MCAM: variants seen among roughly 807,000 people sequenced by gnomAD.
The protein encoded by MCAM is cell surface glycoprotein MUC18.
In MCAM, 55 loss-of-function variants were observed where a neutral mutation model predicts 79.1. That is an observed-to-expected ratio of 0.70 (90% confidence interval 0.56 to 0.87). MCAM has a LOEUF of 0.87. Ranked by LOEUF, MCAM falls within the 40% of genes least tolerant of loss-of-function variation. MCAM has a pLI of 0.00. For synonymous variants in MCAM, 330 were observed against 339.8 expected (o/e 0.97, Z 0.32); for missense variants, 745 against 839.8 (o/e 0.89, Z 1.40).
At chr11:119,314,422 CCGA>C in intron 5 of MCAM, 64 bp downstream of exon 5, 2 of 1,428,378 alleles carry the variant, frequency 1.4e-6, no homozygotes, top group Non-Finnish European at 2.0e-6. Flanking sequence ...TCCCAAAGCA[CCGA>C]GATTACAGGT....
At chr11:119,313,150 C>T (rs555425355) in intron 5 of MCAM, 6 of 1,523,934 alleles carry the variant, frequency 3.9e-6, no homozygotes, top group Non-Finnish European at 5.3e-6. Context: ...ATTTTCATGT[C>T]TGCTCATATC....
Position 119,311,845 on chromosome 11 carries a change from G to C in MCAM, c.1248C>G (p.Gly416=). 1 of 1,614,136 alleles carries C rather than the reference G, an allele frequency of 6.2e-7. No individual in the cohort carries two copies. Among genetic ancestry groups the C allele is most frequent in the Non-Finnish European group, 8.5e-7 (1 of 1,180,026 alleles). Residue 416 remains glycine, a synonymous_variant, in exon 10 of 16, where the codon GGC becomes GGG. Transcript: ENST00000264036. The surrounding 1 kb of genome is among the most constrained non-coding windows in gnomAD (Gnocchi z 4.4). ...CGTTGACCAGCTGTGTGCGGTTCAG[G>C]CCGGGTATGCTGGGCACAGACGCCA... The part of the protein sequence containing the change: ...RCVASVPSIP[G]LNRTQLVNVA...
chr11:119,309,917 T>C lies in MCAM; in HGVS notation c.1912-2A>G. ...CCTCAGATCGATGTATTTCTCTCCC[T>C]AAAAGTGGGTAGAGGAGAAGAGGGG... On this transcript the variant is annotated splice_acceptor_variant, in intron 15 of 15. Transcript: ENST00000264036. LOFTEE classifies it high-confidence loss of function. 3 of 1,600,062 alleles carry C rather than the reference T, an allele frequency of 1.9e-6. No homozygotes were observed. The highest frequency in any genetic ancestry group is 1.7e-6 in the Non-Finnish European group (2 of 1,173,142).
Position 119,312,245 on chromosome 11 carries a change from C to T in MCAM, c.1024+21G>A. On this transcript the variant is annotated intron_variant, in intron 8 of 15. Coordinates refer to ENST00000264036, the MANE Select transcript of MCAM (RefSeq NM_006500.3). This position sits in a 1 kb window ranked among gnomAD's most constrained non-coding sequence, Gnocchi z 4.9. ...TATTGCCCCAGCCTGGTCCCCCTGTCCTGGGTCCCCAGCCCCTCACAGTTC... is the reference window on the plus strand; with the variant it reads ...TATTGCCCCAGCCTGGTCCCCCTGTTCTGGGTCCCCAGCCCCTCACAGTTC... 6.2e-7 allele frequency: 1 copy of T among 1,613,548 alleles called. No individual in the cohort carries two copies.
At chr11:119,313,921 A>G in intron 5 of MCAM, 1 of 942,576 alleles carries the variant, frequency 1.1e-6, no homozygotes, top group African/African-American at 1.8e-5. Flanking sequence ...AAAACACAGA[A>G]GCCTATATCA....
chr11:119,313,322 T>A, intron 5 of MCAM: 2 of 1,310,740 alleles, frequency 1.5e-6, no homozygotes, highest in Non-Finnish European at 2.0e-6. Context: ...CCAGAAACAT[T>A]GTATAAAAGA....
At chr11:119,314,608 T>C (rs1950281379) in intron 4 of MCAM, 32 bp from the exon 5 acceptor site, 1 of 1,611,328 alleles carries the variant, frequency 6.2e-7, no homozygotes, top group Non-Finnish European at 8.5e-7. Flanking sequence ...TCTCCCTGCC[T>C]CCGAGCCCCC....
At position 119,309,891 on chromosome 11, in the gene MCAM, G is replaced by T. The variant is rs768090855; in HGVS notation, c.1936C>A (p.His646Asn). ...DQGEKYIDLR[H>N] ...GGAGCTGAAGTGATTCGGGGCTAAT[G>T]CCTCAGATCGATGTATTTCTCTCCC... is the stretch of plus-strand genomic sequence containing the variant. The change falls in exon 16 of 16, where the codon CAT becomes AAT. Residue 646 changes from histidine to asparagine, a missense_variant. Coordinates refer to ENST00000264036, the MANE Select transcript of MCAM (RefSeq NM_006500.3). 15 of 1,600,810 alleles carry T rather than the reference G, an allele frequency of 9.4e-6. No homozygotes were observed. The highest frequency in any genetic ancestry group is 1.3e-5 in the Non-Finnish European group (15 of 1,173,720).
At chr11:119,309,969 G>T in intron 15 of MCAM, 54 bp from the exon 16 acceptor site, 1 of 1,434,472 alleles carries the variant, frequency 7.0e-7, no homozygotes, top group Non-Finnish European at 9.7e-7. Flanking sequence ...TGAGTTGAAG[G>T]TGTGAGCACC....
Position 119,316,817 on chromosome 11 carries a change from TC to T in MCAM, c.67+217del, listed in dbSNP as rs1950315503. ...CCCAGAAGCAGCCTCCTCCCCGCCT[TC>T]CGAGTGCTGCTCCCGGGATACTCTA... On this transcript the variant is annotated intron_variant, in intron 1 of 15. Coordinates refer to ENST00000264036, the MANE Select transcript of MCAM (RefSeq NM_006500.3). The surrounding 1 kb of genome is among the most constrained non-coding windows in gnomAD (Gnocchi z 4.8). The T allele has an allele frequency of 1.9e-6, 1 of 516,818 alleles. No individual in the cohort carries two copies. 32.0% of individuals were successfully genotyped at this position (516,818 alleles called of 1,614,324 possible). A position where few individuals can be genotyped will look rare whatever the true frequency, so the allele number is the denominator to read the frequency against.
chr11:119,314,163 G>T, intron 5 of MCAM: 1 of 543,040 alleles, frequency 1.8e-6, no homozygotes, highest in Non-Finnish European at 2.7e-6. Context: ...CATAGGGACA[G>T]CTCTTTTTAA....
Position 119,315,399 on chromosome 11 carries a change from CCCCCA to C in MCAM, c.68-141_68-137del, listed in dbSNP as rs796658180. ...AGGGCCCTGTCCTCTGAACGCTCTA[CCCCCA>C]CCCCGACCCGCGCCCCACCTGGGCC... is the stretch of plus-strand genomic sequence containing the variant. On this transcript the variant is annotated intron_variant, in intron 1 of 15. Coordinates refer to ENST00000264036, the MANE Select transcript of MCAM (RefSeq NM_006500.3). The surrounding 1 kb of genome is among the most constrained non-coding windows in gnomAD (Gnocchi z 4.4). The C allele has an allele frequency of 1.0e-5, 12 of 1,165,706 alleles. No homozygotes were observed. In the African/African-American group the frequency reaches 1.4e-4, roughly 14 times the overall value. The allele number at this position is 1,165,706 out of a possible 1,614,324, so 72.2% of individuals were successfully genotyped here. A position where few individuals can be genotyped will look rare whatever the true frequency, so the allele number is the denominator to read the frequency against.
At chr11:119,314,403 G>C in intron 5 of MCAM, 86 bp downstream of exon 5, 1 of 1,206,266 alleles carries the variant, frequency 8.3e-7, no homozygotes, top group East Asian at 2.3e-5. Context: ...AGATCCTCCT[G>C]CCTTGGCCTC....
Position 119,312,708 on chromosome 11 carries a change from G to A in MCAM, c.740-60C>T. On this transcript the variant is annotated intron_variant, in intron 6 of 15. Coordinates refer to ENST00000264036, the MANE Select transcript of MCAM (RefSeq NM_006500.3). This position sits in a 1 kb window ranked among gnomAD's most constrained non-coding sequence, Gnocchi z 4.9. ...AGTCAACCCTGGGCTGGATAAGGGGGAGCCAGCAGGAGTTTCCAGCAGCCC... is the reference window on the plus strand; with the variant it reads ...AGTCAACCCTGGGCTGGATAAGGGGAAGCCAGCAGGAGTTTCCAGCAGCCC... 6.2e-7 allele frequency: 1 copy of A among 1,613,398 alleles called. No homozygotes were observed. Among genetic ancestry groups the A allele is most frequent in the Non-Finnish European group, 8.5e-7 (1 of 1,179,470 alleles).
Position 119,310,888 on chromosome 11 carries a change from TC to T in MCAM, c.1660del (p.Glu554SerfsTer12). 1 of 1,614,136 alleles carries T rather than the reference TC, an allele frequency of 6.2e-7. No individual in the cohort carries two copies. The highest frequency in any genetic ancestry group is 2.2e-5 in the East Asian group (1 of 44,876). On this transcript the variant is annotated frameshift_variant, in exon 14 of 16. Coordinates refer to ENST00000264036, the MANE Select transcript of MCAM (RefSeq NM_006500.3). LOFTEE classifies it high-confidence loss of function. ...GATGACCACGCCCCGGCTCTCCGGC[TC>T]CGGCAGCTTTCTCTCTGCGCCACAA... ...NSTSTERKLP[E>X]PESRGVVIVA...
Position 119,311,202 on chromosome 11 carries a change from G to T in MCAM, c.1550-17C>A. On this transcript the variant is annotated splice_polypyrimidine_tract_variant and intron_variant, in intron 12 of 15. Transcript: ENST00000264036. This position sits in a 1 kb window ranked among gnomAD's most constrained non-coding sequence, Gnocchi z 4.4. ...TTAAATTGACTAGGAGGCAGAGGGA[G>T]GGGTGTTAGGAGAAGCGCAAGTTAC... 6.2e-7 allele frequency: 1 copy of T among 1,613,728 alleles called. No individual in the cohort carries two copies.
At position 119,314,925 on chromosome 11, in the gene MCAM, A is replaced by G. The variant is rs775986010; in HGVS notation, c.308T>C (p.Leu103Pro). ...SLQDRGATLA[L>P]TQVTPQDERI... ...CTCGTCTTGGGGGGTGACTTGAGTCAGGGCCAGAGTAGCCCCTCTGTCCTG... is the reference window on the plus strand; with the variant it reads ...CTCGTCTTGGGGGGTGACTTGAGTCGGGGCCAGAGTAGCCCCTCTGTCCTG... The change falls in exon 3 of 16, where the codon CTG (leucine) becomes CCG (proline). Residue 103 changes from leucine to proline, a missense_variant. By Grantham distance (98) the Leu-to-Pro change is moderately conservative (BLOSUM62 -3). Transcript: ENST00000264036. 6.2e-7 allele frequency: 1 copy of G among 1,613,090 alleles called. No homozygotes were observed. The highest frequency in any genetic ancestry group is 8.5e-7 in the Non-Finnish European group (1 of 1,179,974).
At position 119,315,791 on chromosome 11, in the gene MCAM, C is replaced by T. The variant is rs1317071552; in HGVS notation, c.68-528G>A. ...CCTCAGCAGCACCTCCATGAACACT[C>T]CGCACACACCCGCGGACCCCACCCT... On this transcript the variant is annotated intron_variant, in intron 1 of 15. Transcript: ENST00000264036. This position sits in a 1 kb window ranked among gnomAD's most constrained non-coding sequence, Gnocchi z 4.4. 6.1e-6 allele frequency: 1 copy of T among 165,142 alleles called. No individual in the cohort carries two copies. 10.2% of individuals were successfully genotyped at this position (165,142 alleles called of 1,614,324 possible). A position where few individuals can be genotyped will look rare whatever the true frequency, so the allele number is the denominator to read the frequency against.
In MCAM at chr11:119,311,724, G is replaced by A; in HGVS notation, c.1286-73C>T. On this transcript the variant is annotated intron_variant, in intron 10 of 15. Transcript: ENST00000264036. The surrounding 1 kb of genome is among the most constrained non-coding windows in gnomAD (Gnocchi z 4.4). ...TCCCCCTCCGCACCAGAGCTCCCCA[G>A]GGCAGCAGGTGGCTTTTTGTCAAAG... The A allele has an allele frequency of 2.5e-6, 4 of 1,608,998 alleles. No individual in the cohort carries two copies. The highest frequency in any genetic ancestry group is 3.4e-6 in the Non-Finnish European group (4 of 1,176,642).
Sources: allele counts gnomAD v4.1 joint callset, GRCh38; gene constraint gnomAD v4.1.1; non-coding constraint Gnocchi (gnomAD v3.1); transcripts MANE v1.5; gene names NCBI Gene and HGNC (gene_info 2026-07-23, HGNC 2026-07-21).